PLCB4: variants seen among roughly 807,000 people sequenced by gnomAD.
The protein encoded by PLCB4 is 1-phosphatidylinositol 4,5-bisphosphate phosphodiesterase beta-4.
Under a neutral mutation model 178.8 loss-of-function variants are expected in PLCB4, and 77 were observed. The ratio of observed to expected loss-of-function variants is 0.43; its 90% CI spans 0.36 to 0.52. PLCB4 has a LOEUF of 0.52. Ranked by LOEUF, PLCB4 falls within the 20% of genes least tolerant of loss-of-function variation. The probability of loss-of-function intolerance (pLI) is 0.00; values close to 1 mark genes in which losing one functional copy is unlikely to be tolerated. For missense variants in PLCB4, 1,024 were observed against 1,453.4 expected (o/e 0.70, Z 4.80); for synonymous variants, 496 against 490.8 (o/e 1.01, Z -0.14).
At chr20:9,238,943 T>C (rs1413347317) in intron 3 of PLCB4, among the ~76,000 whole-genome samples, 1 of 152,262 alleles carries the variant, frequency 6.6e-6, no homozygotes, top group East Asian at 1.9e-4. Context: ...CTGTTTTTAA[T>C]TCTTATGGTG....
At chr20:9,432,604 A>G (rs567240457) in intron 28 of PLCB4, among the ~76,000 whole-genome samples, 1 of 152,300 alleles carries the variant, frequency 6.6e-6, no homozygotes, top group Admixed American at 6.5e-5. Flanking sequence ...CTGCCTCATA[A>G]TGGTGTGGAC....
intron 3 of PLCB4, among the ~76,000 whole-genome samples, chr20:9,282,667 G>T (rs1270665789): frequency 6.6e-6 from 1 of 151,984 alleles, no homozygotes; most frequent in Admixed American, 6.6e-5. Flanking sequence ...AGCTTTTGTT[G>T]TGTAACAAAC....
intron 2 of PLCB4, among the ~76,000 whole-genome samples, chr20:9,176,564 C>T (rs2093158413): frequency 1.3e-5 from 2 of 152,088 alleles, no homozygotes; most frequent in South Asian, 4.1e-4. Context: ...TTACATTATG[C>T]ACACATATGT....
At chr20:9,242,241 G>A (rs2094071896) in intron 3 of PLCB4, among the ~76,000 whole-genome samples, 1 of 152,220 alleles carries the variant, frequency 6.6e-6, no homozygotes, top group African/African-American at 2.4e-5. Context: ...AAGCTGGGCA[G>A]TTATTGAGTC....
chr20:9,172,776 G>A (rs2093085950), intron 2 of PLCB4, among the ~76,000 whole-genome samples: 1 of 152,148 alleles, frequency 6.6e-6, no homozygotes, highest in Admixed American at 6.6e-5. Flanking sequence ...AGAATTAACA[G>A]GAGGATTATA....
At chr20:9,413,229 G>A (rs574609317) in intron 25 of PLCB4, among the ~76,000 whole-genome samples, 20 of 152,188 alleles carry the variant, frequency 1.3e-4, no homozygotes, top group African/African-American at 3.4e-4. Context: ...CCACCTCAGC[G>A]ATCACACCTA....
intron 39 of PLCB4, among the ~76,000 whole-genome samples, chr20:9,478,051 C>G (rs1004869496): frequency 1.3e-5 from 2 of 152,216 alleles, no homozygotes; most frequent in South Asian, 4.2e-4. Context: ...AATGGGCAAT[C>G]ATCATTCCTC....
At chr20:9,349,905 T>C (rs2034173257) in intron 7 of PLCB4, among the ~76,000 whole-genome samples, 1 of 152,160 alleles carries the variant, frequency 6.6e-6, no homozygotes, top group South Asian at 2.1e-4. Context: ...CCTACATGTA[T>C]TTGTATGTTT....
intron 2 of PLCB4, among the ~76,000 whole-genome samples, chr20:9,213,158 T>TTTTTTTTTTG (rs2093691500): frequency 1.4e-5 from 1 of 70,362 alleles, no homozygotes; most frequent in Non-Finnish European, 2.6e-5. Context: ...TTTTTTTTTT[T>TTTTTTTTTTG]AGACAAAGTC....
rs543508691 is a variant in PLCB4 at position 9,171,241 on chromosome 20, C to T, written c.-78-46149C>T. 1.0e-3 allele frequency among the ~76,000 whole-genome samples: 154 copies of T among 152,284 alleles called. 1 individual carries two copies. The highest frequency in any genetic ancestry group is 2.2e-3 in the Admixed American group (33 of 15,284). Reference sequence around the variant, plus strand: ...CTATCATATGGTAGGCGCTCAGAAGCTTCTTTTACAGTCCCCTTTAGAATG... The same window carrying T: ...CTATCATATGGTAGGCGCTCAGAAGTTTCTTTTACAGTCCCCTTTAGAATG... On this transcript the variant is annotated intron_variant, in intron 2 of 39. Transcript: ENST00000378473.
At chr20:9,226,319 C>T (rs546863126) in intron 3 of PLCB4, among the ~76,000 whole-genome samples, 2 of 152,166 alleles carry the variant, frequency 1.3e-5, no homozygotes, top group Non-Finnish European at 2.9e-5. Flanking sequence ...GGATAGATGC[C>T]GTTACATTTT....
intron 1 of PLCB4, among the ~76,000 whole-genome samples, chr20:9,074,807 T>TTTTA (rs1274975867): frequency 2.5e-4 from 31 of 123,424 alleles, no homozygotes; most frequent in East Asian, 8.3e-4. Context: ...TTTTTTTTTT[T>TTTTA]AAACAAAACA....
chr20:9,140,645 G>A (rs528354912), intron 2 of PLCB4, among the ~76,000 whole-genome samples: 4 of 151,760 alleles, frequency 2.6e-5, no homozygotes, highest in Non-Finnish European at 5.9e-5. Context: ...ATTAATTCAC[G>A]TGAGAGCTGG....
At chr20:9,400,516 T>G (rs73895795) in intron 19 of PLCB4, among the ~76,000 whole-genome samples, 2 of 152,198 alleles carry the variant, frequency 1.3e-5, no homozygotes, top group South Asian at 4.1e-4. Flanking sequence ...TCATTTCCTT[T>G]CTGAATTTCT....
chr20:9,421,382 G>A lies in PLCB4; in HGVS notation c.2240G>A (p.Arg747His). The change falls in exon 27 of 40, where the codon CGT (arginine) becomes CAT (histidine). Residue 747 changes from arginine to histidine, a missense_variant. By Grantham distance (29) the Arg-to-His change is conservative. Around this residue, in one of 7 missense-constraint regions of PLCB4, gnomAD observed 227 missense variants for 374.3 expected, o/e 0.61. Coordinates refer to ENST00000378473, the MANE Select transcript of PLCB4 (RefSeq NM_001377142.1). Reference protein sequence around the residue: ...DMYGLPTDTIRKEFRTRMVMN... With the variant: ...DMYGLPTDTIHKEFRTRMVMN... ...TATGGGTTGCCCACTGACACCATACGTAAGGAATTCCGAACTCGCATGGTT... is the reference window on the plus strand; with the variant it reads ...TATGGGTTGCCCACTGACACCATACATAAGGAATTCCGAACTCGCATGGTT... 1.2e-6 allele frequency: 2 copies of A among 1,613,518 alleles called. No individual in the cohort carries two copies. The highest frequency in any genetic ancestry group is 8.5e-7 in the Non-Finnish European group (1 of 1,179,458).
At chr20:9,248,694 A>G (rs930598844) in intron 3 of PLCB4, among the ~76,000 whole-genome samples, 1 of 152,146 alleles carries the variant, frequency 6.6e-6, no homozygotes, top group Non-Finnish European at 1.5e-5. Flanking sequence ...CTATGTATTT[A>G]TTTCTAATTT....
At chr20:9,323,162 G>T (rs567970745) in intron 4 of PLCB4, among the ~76,000 whole-genome samples, 1 of 152,118 alleles carries the variant, frequency 6.6e-6, no homozygotes, top group South Asian at 2.1e-4. Context: ...AGCATTCTAG[G>T]CACACTCTGA....
At chr20:9,294,740 G>A (rs894462544) in intron 3 of PLCB4, among the ~76,000 whole-genome samples, 1 of 152,080 alleles carries the variant, frequency 6.6e-6, no homozygotes, top group African/African-American at 2.4e-5. Flanking sequence ...ATACACCGTG[G>A]ATTCCTGGAC....
intron 2 of PLCB4, among the ~76,000 whole-genome samples, chr20:9,190,944 C>T (rs1347104441): frequency 3.9e-5 from 6 of 152,130 alleles, no homozygotes; most frequent in Non-Finnish European, 8.8e-5. Context: ...TAACCCCCTC[C>T]TCCTTGATAT....
Sources: allele counts gnomAD v4.1 joint callset (sites outside exome capture counted in the v4.1 genomes callset), GRCh38; gene constraint gnomAD v4.1.1; regional missense constraint gnomAD v4.1.1; transcripts MANE v1.5; gene names NCBI Gene and HGNC (gene_info 2026-07-23, HGNC 2026-07-21).